The following NTM variants were observed in gnomAD, a reference collection of about 807,000 sequenced individuals.
NTM encodes neurotrimin.
In NTM, 13 loss-of-function variants were observed where a neutral mutation model predicts 42.1. The observed-to-expected ratio is 0.31, with a 90% CI of 0.20 to 0.49. The LOEUF is 0.49. Among genes scored for constraint, NTM ranks in the 20% least tolerant of loss-of-function variants. NTM has a pLI of 0.99. For missense variants in NTM, 373 were observed against 452.8 expected, an observed-to-expected ratio of 0.82 and a Z score of 1.60; for synonymous variants, 187 against 179.2, an observed-to-expected ratio of 1.04 and a Z score of -0.35.
rs377548866 is a variant in NTM, at chr11:132,075,847, T to A, written c.168-70435T>A. ...GGCAGAAAAGGAAGTACAGTAAAGG[T>A]CTTAATCTGTCTCTCAGAATTATTG... On this transcript the variant is annotated intron_variant, in intron 2 of 8. Coordinates refer to ENST00000683400, the MANE Select transcript of NTM (RefSeq NM_001352005.2). 2.0e-5 allele frequency among the ~76,000 whole-genome samples: 3 copies of A among 152,148 alleles called. No individual in the cohort carries two copies. The East Asian group carries it at 5.8e-4, about 29-fold the overall frequency.
At chr11:131,782,683 T>G (rs2088389752) in intron 1 of NTM, among the ~76,000 whole-genome samples, 1 of 152,148 alleles carries the variant, frequency 6.6e-6, no homozygotes, top group African/African-American at 2.4e-5. Flanking sequence ...AATTCAAGGT[T>G]GGTTTAACAT....
intron 4 of NTM, among the ~76,000 whole-genome samples, chr11:132,234,331 G>A (rs2139087755): frequency 6.6e-6 from 1 of 152,282 alleles, no homozygotes; most frequent in South Asian, 2.1e-4. Flanking sequence ...CCCAGGAGGA[G>A]CACATTTGCC....
At chr11:131,773,455 T>C (rs181815616) in intron 1 of NTM, among the ~76,000 whole-genome samples, 1 of 152,360 alleles carries the variant, frequency 6.6e-6, no homozygotes, top group East Asian at 1.9e-4. Context: ...AGTTTTAAAA[T>C]TTTATTTATG....
Position 131,794,657 on chromosome 11 carries a change from T to C in NTM, c.83-116907T>C, listed in dbSNP as rs1438400429. The C allele has an allele frequency of 5.1e-6, 5 of 983,334 alleles. No homozygotes were observed. The African/African-American group carries it at 7.0e-5, about 14-fold the overall frequency. 60.9% of individuals were successfully genotyped at this position (983,334 alleles called of 1,614,324 possible). A position where few individuals can be genotyped will look rare whatever the true frequency, so the allele number is the denominator to read the frequency against. The stretch of plus-strand genomic sequence containing the variant: ...TGAATGAATGAATGAGTAGTGCATA[T>C]ACGGGCAAAACTGCACCTTTTAGAA... On this transcript the variant is annotated intron_variant, in intron 1 of 8. Transcript: ENST00000683400.
intron 1 of NTM, among the ~76,000 whole-genome samples, chr11:131,476,280 C>A (rs188381119): frequency 2.0e-5 from 3 of 152,168 alleles, no homozygotes; most frequent in East Asian, 1.9e-4. Flanking sequence ...ATCAACTCAC[C>A]GTGTTAAATG....
intron 1 of NTM, among the ~76,000 whole-genome samples, chr11:131,523,926 G>C (rs767346530): frequency 6.6e-6 from 1 of 152,174 alleles, no homozygotes; most frequent in Non-Finnish European, 1.5e-5. Flanking sequence ...ATGCTGAACA[G>C]GGTAGCATAG....
intron 1 of NTM, among the ~76,000 whole-genome samples, chr11:131,751,072 C>G (rs2082437732): frequency 6.6e-6 from 1 of 152,160 alleles, no homozygotes; most frequent in Admixed American, 6.5e-5. Flanking sequence ...ACTCTTCAGG[C>G]CATTTGGGAT....
chr11:132,169,319 A>AATTTTTTTTTTTTTTTT (rs1491121130), intron 3 of NTM, among the ~76,000 whole-genome samples: 2 of 10,292 alleles, frequency 1.9e-4, no homozygotes, highest in Non-Finnish European at 5.5e-4. Flanking sequence ...TAATTTTTTT[A>AATTTTTTTTTTTTTTTT]CTTTTTTTTT....
intron 2 of NTM, among the ~76,000 whole-genome samples, chr11:132,074,880 A>G (rs573067467): frequency 2.0e-5 from 3 of 152,184 alleles, no homozygotes; most frequent in Non-Finnish European, 4.4e-5. Flanking sequence ...GAAATGATAA[A>G]TGCTTGAGAT....
chr11:131,444,392 G>A (rs573525189), intron 1 of NTM, among the ~76,000 whole-genome samples: 32 of 152,198 alleles, frequency 2.1e-4, no homozygotes, highest in South Asian at 6.2e-4. Context: ...CAGATGGTTC[G>A]AGTAATACAA....
At chr11:131,372,790 G>T (rs916725216) in intron 1 of NTM, among the ~76,000 whole-genome samples, 3 of 137,766 alleles carry the variant, frequency 2.2e-5, no homozygotes, top group Non-Finnish European at 1.6e-5. Flanking sequence ...ATTAGCATAC[G>T]TGATTTTTTT....
At chr11:131,442,357 A>C in intron 1 of NTM, among the ~76,000 whole-genome samples, 1 of 152,086 alleles carries the variant, frequency 6.6e-6, no homozygotes, top group East Asian at 1.9e-4. Flanking sequence ...CAGCAATAGC[A>C]GCAGCAGCAG....
At chr11:131,810,005 C>T (rs540814963) in intron 1 of NTM, among the ~76,000 whole-genome samples, 1 of 152,326 alleles carries the variant, frequency 6.6e-6, no homozygotes, top group African/African-American at 2.4e-5. Context: ...TTAAAACTCC[C>T]TCCAGATGGG....
chr11:132,053,452 C>T (rs1371991008), intron 2 of NTM, among the ~76,000 whole-genome samples: 1 of 152,154 alleles, frequency 6.6e-6, no homozygotes. Context: ...AAAAGAGCAT[C>T]TAGTCACCAA....
Position 132,134,705 on chromosome 11 carries a change from GTATATATATATATATATATATATA to G in NTM, c.168-11545_168-11522del, listed in dbSNP as rs57297229. Among the ~76,000 whole-genome samples the G allele has an allele frequency of 1.3e-3, 95 of 75,970 alleles. 4 individuals carry two copies. Among genetic ancestry groups the G allele is most frequent in the South Asian group, 7.5e-3 (12 of 1,596 alleles). The allele number at this position is 75,970 out of a possible 152,430, so 49.8% of individuals were successfully genotyped here. Reference sequence around the variant, plus strand: ...TTTTATGGCCGAGTAGTATTCCATGGTATATATATATATATATATATATATATATATATATATATATATATATAT... The same window carrying G: ...TTTTATGGCCGAGTAGTATTCCATGGTATATATATATATATATATATATAT... On this transcript the variant is annotated intron_variant, in intron 2 of 8. Transcript: ENST00000683400.
intron 2 of NTM, among the ~76,000 whole-genome samples, chr11:132,140,611 C>T (rs183996092): frequency 2.5e-3 from 377 of 152,264 alleles, no homozygotes; most frequent in African/African-American, 8.6e-3. Context: ...TCAGTAGTGA[C>T]GCTTTCTCTT....
chr11:131,528,069 T>A (rs7104202), intron 1 of NTM, among the ~76,000 whole-genome samples: 13,737 of 152,246 alleles, frequency 0.09, 797 homozygotes, highest in African/African-American at 0.15. Context: ...CCAAATTTTT[T>A]TAAAAAATCT....
intron 1 of NTM, among the ~76,000 whole-genome samples, chr11:131,553,082 A>T (rs2054925397): frequency 6.6e-6 from 1 of 152,174 alleles, no homozygotes; most frequent in South Asian, 2.1e-4. Flanking sequence ...GTAAAACTTT[A>T]AAAAGGAAAA....
chr11:131,823,568 T>G (rs1388804810), intron 1 of NTM, among the ~76,000 whole-genome samples: 2 of 152,316 alleles, frequency 1.3e-5, no homozygotes, highest in East Asian at 3.9e-4. Flanking sequence ...AAATAATTCT[T>G]CTTCCTTGAC....
Sources: allele counts gnomAD v4.1 joint callset (sites outside exome capture counted in the v4.1 genomes callset), GRCh38; gene constraint gnomAD v4.1.1; transcripts MANE v1.5; gene names NCBI Gene and HGNC (gene_info 2026-07-23, HGNC 2026-07-21).